DFFB: variants seen among roughly 807,000 people sequenced by gnomAD.
DFFB encodes DNA fragmentation factor 40 kDa subunit.
In DFFB, 29 loss-of-function variants were observed where a neutral mutation model predicts 32.7. The observed-to-expected ratio is 0.89, with a 90% CI of 0.66 to 1.21. DFFB has a LOEUF of 1.21. DFFB is among the 50% of genes most tolerant of loss of function. The probability of loss-of-function intolerance (pLI) is 0.00; values close to 1 mark genes in which losing one functional copy is unlikely to be tolerated. For synonymous variants in DFFB, 170 were observed against 177.1 expected (o/e 0.96, Z 0.32); for missense variants, 398 against 440.6 (o/e 0.90, Z 0.87).
rs373339973 is a variant in DFFB at position 3,884,040 on chromosome 1, C to A, written c.*299C>A. ...CTGGGATTACAGGCATGTGCCACCA[C>A]GCCCGGCTAATGTTTGTATTTTTAG... On this transcript the variant is annotated 3_prime_UTR_variant, in exon 7 of 7. Transcript: ENST00000378209. 1 of 358,208 alleles carries A rather than the reference C, an allele frequency of 2.8e-6. No homozygotes were observed. Among genetic ancestry groups the A allele is most frequent in the Non-Finnish European group, 5.2e-6 (1 of 191,942 alleles). 22.2% of individuals were successfully genotyped at this position (358,208 alleles called of 1,614,324 possible). A position where few individuals can be genotyped will look rare whatever the true frequency, so the allele number is the denominator to read the frequency against.
At chr1:3,869,106 CT>C (rs201185632) in intron 4 of DFFB, among the ~76,000 whole-genome samples, 1,912 of 152,336 alleles carry the variant, frequency 0.013, 47 homozygotes, top group African/African-American at 0.044. Flanking sequence ...GTTGCTCAGG[CT>C]GGAGTACAGT....
At position 3,884,014 on chromosome 1, in the gene DFFB, G is replaced by A. The variant is rs1638275268; in HGVS notation, c.*273G>A. 2.4e-6 allele frequency: 1 copy of A among 415,844 alleles called. No individual in the cohort carries two copies. The highest frequency in any genetic ancestry group is 4.0e-5 in the Admixed American group (1 of 24,866). 25.8% of individuals were successfully genotyped at this position (415,844 alleles called of 1,614,324 possible). A position where few individuals can be genotyped will look rare whatever the true frequency, so the allele number is the denominator to read the frequency against. Reference sequence around the variant, plus strand: ...CGATCTCGGCTCAGCCTCCCGAGTAGCTGGGATTACAGGCATGTGCCACCA... The same window carrying A: ...CGATCTCGGCTCAGCCTCCCGAGTAACTGGGATTACAGGCATGTGCCACCA... On this transcript the variant is annotated 3_prime_UTR_variant, in exon 7 of 7. Transcript: ENST00000378209.
chr1:3,859,689 G>A (rs574511831), intron 2 of DFFB, among the ~76,000 whole-genome samples: 5 of 152,216 alleles, frequency 3.3e-5, no homozygotes, highest in Non-Finnish European at 7.3e-5. Flanking sequence ...GAGGGGTGAC[G>A]CCTCTGGTGT....
rs574849021 is a variant in DFFB at position 3,867,805 on chromosome 1, T to G, written c.431-169T>G. ...GAGGTTAAGGCTGTAGTAAGCTGTG[T>G]TCGTGCCACTGTACTCCAGCCTGGA... On this transcript the variant is annotated intron_variant, in intron 3 of 6. Coordinates refer to ENST00000378209, the MANE Select transcript of DFFB (RefSeq NM_004402.4). 3.1e-4 allele frequency: 208 copies of G among 665,756 alleles called. 1 individual carries two copies. In the Middle Eastern group the frequency reaches 3.5e-3, roughly 11 times the overall value. 41.2% of individuals were successfully genotyped at this position (665,756 alleles called of 1,614,324 possible).
intron 6 of DFFB, among the ~76,000 whole-genome samples, chr1:3,879,909 C>A (rs181214136): frequency 4.6e-5 from 7 of 152,326 alleles, no homozygotes; most frequent in African/African-American, 1.7e-4. Context: ...CATTAATCAT[C>A]CATTTTAAGC....
chr1:3,859,964 C>T (rs1644847402), intron 2 of DFFB, among the ~76,000 whole-genome samples: 2 of 152,204 alleles, frequency 1.3e-5, no homozygotes, highest in African/African-American at 2.4e-5. Context: ...CTGTCTCTGT[C>T]TCTGGCTCTC....
At chr1:3,867,715 T>TAGATCTC in intron 3 of DFFB, 6 of 429,912 alleles carry the variant, frequency 1.4e-5, no homozygotes, top group Admixed American at 3.8e-5. Context: ...GAGCCAGGTG[T>TAGATCTC]GGTAGTGCGT....
chr1:3,865,573 ATC>A lies in DFFB; in HGVS notation c.242-237_242-236del. The A allele has an allele frequency of 1.6e-6, 1 of 639,110 alleles. No homozygotes were observed. Among genetic ancestry groups the A allele is most frequent in the Non-Finnish European group, 2.8e-6 (1 of 354,594 alleles). The allele number at this position is 639,110 out of a possible 1,614,324, so 39.6% of individuals were successfully genotyped here. ...AGCGGCCGTCTCTTGGTGCGCTTTCATCTGTCCTCTAAAGCACACCCTGCCCC... is the reference window on the plus strand; with the variant it reads ...AGCGGCCGTCTCTTGGTGCGCTTTCATGTCCTCTAAAGCACACCCTGCCCC... On this transcript the variant is annotated intron_variant, in intron 2 of 6. Transcript: ENST00000378209. This position sits in a 1 kb window ranked among gnomAD's most constrained non-coding sequence, Gnocchi z 4.7.
chr1:3,881,674 C>T (rs143484146), intron 6 of DFFB, among the ~76,000 whole-genome samples: 2,366 of 151,664 alleles, frequency 0.016, 72 homozygotes, highest in African/African-American at 0.055. Flanking sequence ...GCCTGGCCAA[C>T]ACGGTGAAAC....
chr1:3,883,445 T>C, intron 6 of DFFB, 62 bp from the exon 7 acceptor site: 1 of 1,479,956 alleles, frequency 6.8e-7, no homozygotes, highest in Non-Finnish European at 9.4e-7. Context: ...AATACACTGC[T>C]ATGACCTGTT....
chr1:3,860,983 C>G (rs1475829461), intron 2 of DFFB, among the ~76,000 whole-genome samples: 1 of 151,908 alleles, frequency 6.6e-6, no homozygotes, highest in Non-Finnish European at 1.5e-5. Flanking sequence ...GGTGAAACCC[C>G]GTCTCTACTA....
At chr1:3,857,748 T>C (rs12726906) in intron 1 of DFFB, 31 bp downstream of exon 1, 388,129 of 1,410,958 alleles carry the variant, frequency 0.28, 55,729 homozygotes, top group African/African-American at 0.48. Context: ...GGACGGCCCG[T>C]CGGGGAGGCG....
At chr1:3,876,913 A>C (rs970103633) in intron 6 of DFFB, among the ~76,000 whole-genome samples, 2 of 152,184 alleles carry the variant, frequency 1.3e-5, no homozygotes, top group African/African-American at 4.8e-5. Flanking sequence ...CATGCGGTTC[A>C]GGGGCCCCTG....
chr1:3,866,828 C>T (rs1013069710), intron 3 of DFFB, among the ~76,000 whole-genome samples: 2 of 152,178 alleles, frequency 1.3e-5, no homozygotes, highest in African/African-American at 4.8e-5. Context: ...AGTATTTGTC[C>T]TTGTGTAACT....
intron 6 of DFFB, among the ~76,000 whole-genome samples, chr1:3,882,345 C>T (rs545648379): frequency 1.1e-4 from 17 of 152,082 alleles, no homozygotes; most frequent in Admixed American, 9.8e-4. Flanking sequence ...TGAGCCACCA[C>T]GCCTAGCCTC....
Position 3,885,340 on chromosome 1 carries a change from G to A in DFFB, c.*1599G>A, listed in dbSNP as rs894811360. Reference sequence around the variant, plus strand: ...CATTTATTTTATAACATGTTAAAATGTACTTTTTAAATTAAGTCATTTTGT... The same window carrying A: ...CATTTATTTTATAACATGTTAAAATATACTTTTTAAATTAAGTCATTTTGT... On this transcript the variant is annotated 3_prime_UTR_variant, in exon 7 of 7. Coordinates refer to ENST00000378209, the MANE Select transcript of DFFB (RefSeq NM_004402.4). 2 of 152,142 alleles carry A rather than the reference G, an allele frequency of 1.3e-5. No homozygotes were observed. The highest frequency in any genetic ancestry group is 2.9e-5 in the Non-Finnish European group (2 of 68,028). 9.4% of individuals were successfully genotyped at this position (152,142 alleles called of 1,614,324 possible). A position where few individuals can be genotyped will look rare whatever the true frequency, so the allele number is the denominator to read the frequency against.
chr1:3,857,523 G>A lies in DFFB; in HGVS notation c.-81G>A. 6 of 1,047,180 alleles carry A rather than the reference G, an allele frequency of 5.7e-6. No homozygotes were observed. The highest frequency in any genetic ancestry group is 4.0e-6 in the Non-Finnish European group (3 of 751,378). The allele number at this position is 1,047,180 out of a possible 1,614,324, so 64.9% of individuals were successfully genotyped here. ...GAGCTCACCAGGTGCAGACCCCTGC[G>A]GCCAGGGCGAGGACGGATCTGAGCA... On this transcript the variant is annotated 5_prime_UTR_variant, in exon 1 of 7. Transcript: ENST00000378209.
chr1:3,872,640 C>T, intron 6 of DFFB, 68 bp downstream of exon 6: 1 of 1,402,966 alleles, frequency 7.1e-7, no homozygotes, highest in South Asian at 1.2e-5. Flanking sequence ...GTGGCCCTGT[C>T]CCTGCCATGG....
intron 2 of DFFB, chr1:3,860,522 C>T (rs529862700): frequency 8.8e-5 from 36 of 410,162 alleles, no homozygotes; most frequent in African/African-American, 7.4e-4. Context: ...AGCCACTGTG[C>T]CTGGCCTAAA....
Sources: allele counts gnomAD v4.1 joint callset (sites outside exome capture counted in the v4.1 genomes callset), GRCh38; gene constraint gnomAD v4.1.1; non-coding constraint Gnocchi (gnomAD v3.1); transcripts MANE v1.5; gene names NCBI Gene and HGNC (gene_info 2026-07-23, HGNC 2026-07-21).